The following NKAIN3 variants were observed in gnomAD, a reference collection of about 807,000 sequenced individuals.
The protein encoded by NKAIN3 is sodium/potassium transporting ATPase interacting 3, also known as sodium/potassium-transporting ATPase subunit beta-1-interacting protein 3.
Under a neutral mutation model 30.2 loss-of-function variants are expected in NKAIN3, and 25 were observed. The observed-to-expected ratio is 0.83, with a 90% confidence interval of 0.60 to 1.16. NKAIN3 has a LOEUF of 1.16. Ranked by LOEUF, NKAIN3 falls within the 50% of genes most tolerant of loss-of-function variation. The pLI is 0.00. For synonymous variants in NKAIN3, 91 were observed against 89.6 expected, an observed-to-expected ratio of 1.02 and a Z score of -0.09; for missense variants, 225 against 254.1, an observed-to-expected ratio of 0.89 and a Z score of 0.78.
At chr8:62,948,266 C>G (rs747448482) in intron 5 of NKAIN3, among the ~76,000 whole-genome samples, 1 of 151,324 alleles carries the variant, frequency 6.6e-6, no homozygotes, top group Non-Finnish European at 1.5e-5. Context: ...GTGGGGTGAT[C>G]TCGGATCACT....
intron 4 of NKAIN3, among the ~76,000 whole-genome samples, chr8:62,767,700 G>A (rs1450012677): frequency 6.6e-6 from 1 of 151,898 alleles, no homozygotes. Flanking sequence ...AAGTCTGCTA[G>A]ACCGATCTTC....
chr8:62,405,975 C>T (rs990150729), intron 1 of NKAIN3, among the ~76,000 whole-genome samples: 6 of 152,238 alleles, frequency 3.9e-5, no homozygotes, highest in Non-Finnish European at 7.4e-5. Flanking sequence ...AAACCAGTAT[C>T]CAATTATTTG....
intron 1 of NKAIN3, among the ~76,000 whole-genome samples, chr8:62,519,851 C>A (rs544816657): frequency 6.6e-6 from 1 of 152,268 alleles, no homozygotes; most frequent in African/African-American, 2.4e-5. Context: ...AGACTCAAGC[C>A]ATATCTCACA....
At chr8:62,333,855 C>G (rs1815438546) in intron 1 of NKAIN3, among the ~76,000 whole-genome samples, 1 of 152,030 alleles carries the variant, frequency 6.6e-6, no homozygotes, top group African/African-American at 2.4e-5. Context: ...CATCACCAAA[C>G]TGCTGGCAAG....
intron 4 of NKAIN3, among the ~76,000 whole-genome samples, chr8:62,907,329 A>T (rs181288124): frequency 6.6e-6 from 1 of 152,212 alleles, no homozygotes; most frequent in Non-Finnish European, 1.5e-5. Flanking sequence ...ATTGGAACTT[A>T]TGTTTAAAAG....
chr8:62,580,972 G>T (rs1810271230), intron 2 of NKAIN3, among the ~76,000 whole-genome samples: 1 of 148,424 alleles, frequency 6.7e-6, no homozygotes, highest in Non-Finnish European at 1.5e-5. Flanking sequence ...CCAGACATTG[G>T]GGGGCCTGTG....
At chr8:62,938,946 G>A (rs1822866713) in intron 5 of NKAIN3, among the ~76,000 whole-genome samples, 1 of 152,168 alleles carries the variant, frequency 6.6e-6, no homozygotes, top group African/African-American at 2.4e-5. Flanking sequence ...CGATTATTAG[G>A]CTGTTCAAAG....
chr8:62,427,341 A>C (rs1481648137), intron 1 of NKAIN3, among the ~76,000 whole-genome samples: 1 of 152,104 alleles, frequency 6.6e-6, no homozygotes, highest in East Asian at 1.9e-4. Flanking sequence ...AGTAGCTGAG[A>C]TCCTCTGCTG....
intron 4 of NKAIN3, among the ~76,000 whole-genome samples, chr8:62,834,748 C>T (rs1819306472): frequency 6.6e-6 from 1 of 152,002 alleles, no homozygotes; most frequent in South Asian, 2.1e-4. Flanking sequence ...AATAAAAAGA[C>T]CATACTGCCC....
intron 3 of NKAIN3, among the ~76,000 whole-genome samples, chr8:62,637,395 C>T (rs545260253): frequency 2.0e-5 from 3 of 152,188 alleles, no homozygotes; most frequent in South Asian, 2.1e-4. Context: ...TTTCTGGCCC[C>T]GCAAGTAAAC....
intron 4 of NKAIN3, among the ~76,000 whole-genome samples, chr8:62,784,219 G>A (rs1817444880): frequency 6.6e-6 from 1 of 151,770 alleles, no homozygotes; most frequent in Admixed American, 6.6e-5. Flanking sequence ...TTCACTTCAA[G>A]TAACTAGAAG....
chr8:62,849,018 G>C (rs1161914027), intron 4 of NKAIN3, among the ~76,000 whole-genome samples: 1 of 152,122 alleles, frequency 6.6e-6, no homozygotes, highest in Non-Finnish European at 1.5e-5. Flanking sequence ...AAGCCAACTT[G>C]ATTGTGGTGG....
intron 1 of NKAIN3, among the ~76,000 whole-genome samples, chr8:62,372,198 G>A (rs13281952): frequency 0.084 from 12,651 of 149,794 alleles, 742 homozygotes; most frequent in Middle Eastern, 0.13. Context: ...TTATGTATAG[G>A]GCATTTACTT....
chr8:62,952,256 T>TA (rs149641142), intron 5 of NKAIN3, among the ~76,000 whole-genome samples: 28 of 151,742 alleles, frequency 1.8e-4, no homozygotes, highest in Admixed American at 5.3e-4. Context: ...ACATATGGGT[T>TA]AAAAAAAACA....
intron 1 of NKAIN3, among the ~76,000 whole-genome samples, chr8:62,322,304 G>A (rs574796877): frequency 9.2e-5 from 14 of 152,238 alleles, no homozygotes; most frequent in Middle Eastern, 3.4e-3. Flanking sequence ...GCCCTGGTTC[G>A]GCTCACGCTC....
chr8:62,480,245 C>T (rs1563417493), intron 1 of NKAIN3, among the ~76,000 whole-genome samples: 2 of 152,126 alleles, frequency 1.3e-5, no homozygotes, highest in Non-Finnish European at 2.9e-5. Context: ...CACCTGAGAT[C>T]ATCTGAGTAG....
intron 3 of NKAIN3, among the ~76,000 whole-genome samples, chr8:62,721,215 G>C (rs763089215): frequency 6.6e-6 from 1 of 152,100 alleles, no homozygotes; most frequent in Non-Finnish European, 1.5e-5. Context: ...ATATACCAGA[G>C]AGCATAATAT....
intron 1 of NKAIN3, among the ~76,000 whole-genome samples, chr8:62,570,444 T>C (rs1208588739): frequency 6.6e-6 from 1 of 152,170 alleles, no homozygotes; most frequent in Non-Finnish European, 1.5e-5. Context: ...GAAAGAGGTT[T>C]ATTGGACTTA....
intron 2 of NKAIN3, among the ~76,000 whole-genome samples, chr8:62,586,492 C>T (rs1361842924): frequency 6.6e-6 from 1 of 151,982 alleles, no homozygotes; most frequent in Non-Finnish European, 1.5e-5. Flanking sequence ...TTCCCCTTTA[C>T]TCTACTAAAA....
Sources: allele counts gnomAD v4.1 joint callset (sites outside exome capture counted in the v4.1 genomes callset), GRCh38; gene constraint gnomAD v4.1.1; transcripts MANE v1.5; gene names NCBI Gene and HGNC (gene_info 2026-07-23, HGNC 2026-07-21).